The following CPLANE1 variants were observed in gnomAD, a reference collection of about 807,000 sequenced individuals.
CPLANE1 encodes ciliogenesis and planar polarity effector 1.
Under a neutral mutation model 362.5 loss-of-function variants are expected in CPLANE1, and 263 were observed. The observed-to-expected ratio is 0.73, with a 90% CI of 0.66 to 0.80. The LOEUF (loss-of-function observed/expected upper bound fraction) is 0.80, where lower values mean the gene tolerates loss of function less well. Among genes scored for constraint, CPLANE1 ranks in the 30% least tolerant of loss-of-function variants. The pLI is 0.00. For missense variants in CPLANE1, 3,461 were observed against 3,793.4 expected (o/e 0.91, Z 2.30); for synonymous variants, 1,212 against 1,302.6 (o/e 0.93, Z 1.50).
At chr5:37,237,018 C>T (rs1799152907) in intron 8 of CPLANE1, among the ~76,000 whole-genome samples, 1 of 152,126 alleles carries the variant, frequency 6.6e-6, no homozygotes, top group Non-Finnish European at 1.5e-5. Context: ...TTAGTACAAT[C>T]ATTATGGTAT....
chr5:37,176,235 A>C (rs1781124010), intron 30 of CPLANE1: 1 of 349,500 alleles, frequency 2.9e-6, no homozygotes, highest in Admixed American at 4.5e-5. Flanking sequence ...AGCAATGAAA[A>C]CAACAGAACC....
chr5:37,169,897 T>C, intron 33 of CPLANE1, 144 bp downstream of exon 33: 1 of 822,084 alleles, frequency 1.2e-6, no homozygotes, highest in Non-Finnish European at 1.9e-6. Context: ...CGGCTGACTT[T>C]TGTATTTTTA....
At chr5:37,159,524 C>A (rs1227394240) in intron 38 of CPLANE1, among the ~76,000 whole-genome samples, 1 of 152,182 alleles carries the variant, frequency 6.6e-6, no homozygotes, top group Non-Finnish European at 1.5e-5. Flanking sequence ...CAAACGTTAA[C>A]TGCTTCTTAT....
Position 37,180,086 on chromosome 5 carries a change from C to A in CPLANE1, c.5668G>T (p.Asp1890Tyr). ...HNTKKEFIDI[D>Y]ENLLEVEAFT... The stretch of plus-strand genomic sequence containing the variant: ...GCTTCTACTTCTAAAAGATTCTCAT[C>A]AATATCTATAAATTCTTTTTTAGTA... Residue 1890 changes from aspartate to tyrosine, a missense_variant, in exon 28 of 53, where the codon GAT (aspartate) becomes TAT (tyrosine). Coordinates refer to ENST00000651892, the MANE Select transcript of CPLANE1 (RefSeq NM_001384732.1). The A allele has an allele frequency of 1.9e-6, 3 of 1,565,976 alleles. No homozygotes were observed. Among genetic ancestry groups the A allele is most frequent in the Admixed American group, 1.8e-5 (1 of 54,242 alleles).
chr5:37,239,350 G>A (rs1458152761), intron 7 of CPLANE1, among the ~76,000 whole-genome samples: 2 of 152,064 alleles, frequency 1.3e-5, no homozygotes, highest in Admixed American at 6.6e-5. Context: ...GGAGGCTGAG[G>A]TGGGAGAACT....
chr5:37,207,878 A>G (rs896937409), intron 16 of CPLANE1, among the ~76,000 whole-genome samples: 1 of 151,158 alleles, frequency 6.6e-6, no homozygotes, highest in African/African-American at 2.4e-5. Flanking sequence ...ACTGAATGCA[A>G]CTCATATCAC....
chr5:37,217,724 C>T (rs1346660414), intron 15 of CPLANE1, among the ~76,000 whole-genome samples: 1 of 151,776 alleles, frequency 6.6e-6, no homozygotes, highest in East Asian at 1.9e-4. Flanking sequence ...TGCCTGTAAT[C>T]CTAGCACTTT....
In CPLANE1 at chr5:37,195,960, A is replaced by G. The variant is rs376959659; in HGVS notation, c.3709T>C (p.Phe1237Leu). The change falls in exon 21 of 53, where the codon TTT becomes CTT. Residue 1237 changes from phenylalanine (F) to leucine (L), a missense_variant. Phe to Leu is a conservative substitution (Grantham distance 22). Transcript: ENST00000651892. ...MKGSLPSLSPFPQSLLNYCKG... is the reference protein window; with the variant it reads ...MKGSLPSLSPLPQSLLNYCKG... ...CAGTAATTAAGTAATGACTGAGGAAAAGGACTCAGTGAAGGAAGGGATCCT... is the reference window on the plus strand; with the variant it reads ...CAGTAATTAAGTAATGACTGAGGAAGAGGACTCAGTGAAGGAAGGGATCCT... 8.7e-6 allele frequency: 14 copies of G among 1,610,582 alleles called. No individual in the cohort carries two copies. In the African/African-American group the frequency reaches 1.7e-4, roughly 20 times the overall value.
intron 15 of CPLANE1, among the ~76,000 whole-genome samples, chr5:37,218,061 T>C (rs1241400404): frequency 6.6e-6 from 1 of 152,024 alleles, no homozygotes; most frequent in Non-Finnish European, 1.5e-5. Context: ...TTTAATAAGG[T>C]AGGTGTGCAG....
At chr5:37,194,685 C>T (rs1402096161) in intron 21 of CPLANE1, among the ~76,000 whole-genome samples, 2 of 147,628 alleles carry the variant, frequency 1.4e-5, no homozygotes, top group Non-Finnish European at 3.0e-5. Context: ...TAGGGACAGG[C>T]TCTCACTACG....
chr5:37,151,393 G>A (rs954401661), intron 42 of CPLANE1, among the ~76,000 whole-genome samples: 1 of 152,128 alleles, frequency 6.6e-6, no homozygotes, highest in Non-Finnish European at 1.5e-5. Context: ...ATTAGACCCA[G>A]TATGTATGTA....
intron 30 of CPLANE1, among the ~76,000 whole-genome samples, chr5:37,176,639 T>G (rs955125466): frequency 8.5e-5 from 13 of 152,210 alleles, no homozygotes; most frequent in African/African-American, 3.1e-4. Flanking sequence ...ATCATTTTTA[T>G]GAATAGAAGT....
At chr5:37,239,029 G>A in intron 7 of CPLANE1, 69 bp from the exon 8 acceptor site, 1 of 753,404 alleles carries the variant, frequency 1.3e-6, no homozygotes, top group Non-Finnish European at 2.1e-6. Context: ...TATAATTCTG[G>A]TGACACAGAG....
chr5:37,201,459 G>T (rs771612464), intron 19 of CPLANE1, 132 bp downstream of exon 19: 207 of 684,000 alleles, frequency 3.0e-4, no homozygotes, highest in Non-Finnish European at 4.4e-4. Context: ...TTAGTGAACA[G>T]CAAAGCTGGG....
At chr5:37,117,181 G>A (rs1761254451) in intron 50 of CPLANE1, among the ~76,000 whole-genome samples, 1 of 151,930 alleles carries the variant, frequency 6.6e-6, no homozygotes, top group Admixed American at 6.6e-5. Context: ...GCTATGCTTA[G>A]GCAAAAAGCT....
At chr5:37,160,345 A>G (rs1776504350) in intron 38 of CPLANE1, among the ~76,000 whole-genome samples, 1 of 152,160 alleles carries the variant, frequency 6.6e-6, no homozygotes, top group Non-Finnish European at 1.5e-5. Flanking sequence ...ACTTGAGGTC[A>G]GGAGTTTGAG....
chr5:37,116,951 T>C (rs1344641483), intron 50 of CPLANE1, among the ~76,000 whole-genome samples: 1 of 152,102 alleles, frequency 6.6e-6, no homozygotes, highest in Admixed American at 6.6e-5. Flanking sequence ...GGTGAAATGG[T>C]TGGGTCTGGG....
intron 6 of CPLANE1, among the ~76,000 whole-genome samples, chr5:37,240,231 T>TC (rs753677806): frequency 1.3e-5 from 2 of 152,036 alleles, no homozygotes; most frequent in African/African-American, 2.4e-5. Flanking sequence ...GCACCTGTAA[T>TC]CCAAGCTATT....
At chr5:37,088,390 T>A in the CPLANE1 span, among the ~76,000 whole-genome samples, 1 of 152,246 alleles carries the variant, frequency 6.6e-6, no homozygotes, top group South Asian at 2.1e-4. Context: ...GCTATGGCAT[T>A]AAGGCCTCCT....
Sources: allele counts gnomAD v4.1 joint callset (sites outside exome capture counted in the v4.1 genomes callset), GRCh38; gene constraint gnomAD v4.1.1; transcripts MANE v1.5; gene names NCBI Gene and HGNC (gene_info 2026-07-23, HGNC 2026-07-21).